The following LHFPL3 variants were observed in gnomAD, a reference collection of about 807,000 sequenced individuals.
The protein encoded by LHFPL3 is LHFPL tetraspan subfamily member 3 protein.
LHFPL3 carries 5 observed loss-of-function variants against 19.3 expected under a neutral mutation model. That is an observed-to-expected ratio of 0.26 (90% confidence interval 0.14 to 0.54). The LOEUF (loss-of-function observed/expected upper bound fraction) is 0.54, where lower values mean the gene tolerates loss of function less well. Ranked by LOEUF, LHFPL3 falls within the 20% of genes least tolerant of loss-of-function variation. The pLI is 0.94. For missense variants in LHFPL3, 249 were observed against 307.4 expected, an observed-to-expected ratio of 0.81 and a Z score of 1.42; for synonymous variants, 133 against 126.2, an observed-to-expected ratio of 1.05 and a Z score of -0.36.
chr7:104,665,423 C>T (rs1452925834), intron 1 of LHFPL3, among the ~76,000 whole-genome samples: 2 of 152,110 alleles, frequency 1.3e-5, no homozygotes, highest in Non-Finnish European at 2.9e-5. Flanking sequence ...TGTAATAGTC[C>T]ATTCCATTAA....
In LHFPL3 at chr7:104,706,826, T is replaced by G. The variant is rs114369624; in HGVS notation, c.446-29849T>G. Among the ~76,000 whole-genome samples, 700 of 152,284 alleles carry G rather than the reference T, an allele frequency of 4.6e-3. 6 individuals carry two copies. Among genetic ancestry groups the G allele is most frequent in the African/African-American group, 0.016 (652 of 41,562 alleles). ...ATGATGGCATTTTAATGGTCAGCAT[T>G]GATGTTAATATTATCCCAGATTAAG... On this transcript the variant is annotated intron_variant, in intron 1 of 2. Transcript: ENST00000424859.
intron 1 of LHFPL3, among the ~76,000 whole-genome samples, chr7:104,557,894 G>A (rs910364303): frequency 6.8e-6 from 1 of 146,454 alleles, no homozygotes; most frequent in East Asian, 2.0e-4. Flanking sequence ...TGATCTCATT[G>A]TTCAATTCCC....
chr7:104,379,110 T>G (rs1324887807), intron 1 of LHFPL3, among the ~76,000 whole-genome samples: 1 of 152,186 alleles, frequency 6.6e-6, no homozygotes, highest in Non-Finnish European at 1.5e-5. Flanking sequence ...GCACAGAAGT[T>G]TTGAAAGAAA....
intron 2 of LHFPL3, among the ~76,000 whole-genome samples, chr7:104,880,075 CTGA>C (rs1342827719): frequency 6.6e-6 from 1 of 151,230 alleles, no homozygotes; most frequent in Non-Finnish European, 1.5e-5. Flanking sequence ...TTTTTAGGGG[CTGA>C]TAAGGTTTGG....
At chr7:104,595,085 G>A (rs1007487136) in intron 1 of LHFPL3, among the ~76,000 whole-genome samples, 8 of 152,276 alleles carry the variant, frequency 5.3e-5, no homozygotes, top group African/African-American at 9.6e-5. Context: ...TCCGTTGCTG[G>A]CAAGGAGCTG....
rs552049017 is a variant in LHFPL3, at chr7:104,891,295, A to C, written c.683-14892A>C. Among the ~76,000 whole-genome samples, 16 of 152,232 alleles carry C rather than the reference A, an allele frequency of 1.1e-4. No individual in the cohort carries two copies. In the East Asian group the frequency reaches 2.7e-3, roughly 26 times the overall value. ...ACAGTTCTGGAAGCTGGGAAGTCCA[A>C]GGCTGAGGGGCTGCTTCTGGTGAGG... On this transcript the variant is annotated intron_variant, in intron 2 of 2. Coordinates refer to ENST00000424859, the MANE Select transcript of LHFPL3 (RefSeq NM_199000.3).
At chr7:104,693,350 G>A (rs1056838456) in intron 1 of LHFPL3, among the ~76,000 whole-genome samples, 1 of 152,174 alleles carries the variant, frequency 6.6e-6, no homozygotes, top group African/African-American at 2.4e-5. Context: ...AGGCATGATT[G>A]TGTAAGGATG....
chr7:104,651,231 C>T lies in LHFPL3; in HGVS notation c.446-85444C>T, dbSNP rs538155979. ...TGGTGATGCAGTTTCTCTTCCATGA[C>T]CTAAAATCATCCAAACCTCCTCAAG... On this transcript the variant is annotated intron_variant, in intron 1 of 2. Coordinates refer to ENST00000424859, the MANE Select transcript of LHFPL3 (RefSeq NM_199000.3). 1.2e-4 allele frequency among the ~76,000 whole-genome samples: 19 copies of T among 152,308 alleles called. No homozygotes were observed. In the South Asian group the frequency reaches 3.5e-3, roughly 28 times the overall value.
intron 1 of LHFPL3, among the ~76,000 whole-genome samples, chr7:104,606,797 G>A (rs1268881604): frequency 6.6e-6 from 1 of 152,138 alleles, no homozygotes; most frequent in African/African-American, 2.4e-5. Context: ...GTGGGCAGGG[G>A]TCTAGGGTAT....
intron 1 of LHFPL3, among the ~76,000 whole-genome samples, chr7:104,334,002 C>G (rs1047404994): frequency 1.3e-5 from 2 of 152,126 alleles, no homozygotes; most frequent in African/African-American, 2.4e-5. Flanking sequence ...TATAATTGTA[C>G]CTGTCAGGAG....
At position 104,347,877 on chromosome 7, in the gene LHFPL3, C is replaced by A. The variant is rs1424630647; in HGVS notation, c.445+18653C>A. 2.8e-5 allele frequency among the ~76,000 whole-genome samples: 4 copies of A among 144,740 alleles called. No homozygotes were observed. The Admixed American group carries it at 2.8e-4, about 10-fold the overall frequency. The allele number at this position is 144,740 out of a possible 152,430, so 95.0% of individuals were successfully genotyped here. A position where few individuals can be genotyped will look rare whatever the true frequency, so the allele number is the denominator to read the frequency against. On this transcript the variant is annotated intron_variant, in intron 1 of 2. Coordinates refer to ENST00000424859, the MANE Select transcript of LHFPL3 (RefSeq NM_199000.3). ...TTACACTCTAGCCTGGGCGACAGAG[C>A]CAGACTCTGTCTTAAAAAAAAAAAA...
chr7:104,804,955 C>T (rs905419696), intron 2 of LHFPL3, among the ~76,000 whole-genome samples: 2 of 152,182 alleles, frequency 1.3e-5, no homozygotes, highest in African/African-American at 2.4e-5. Flanking sequence ...AGATGACTAG[C>T]GCACTTCCTT....
At chr7:104,752,896 G>T (rs939247200) in intron 2 of LHFPL3, 1 of 341,294 alleles carries the variant, frequency 2.9e-6, no homozygotes. Context: ...CCAGCTCACA[G>T]CCTCTCTACC....
chr7:104,581,968 T>C (rs895887804), intron 1 of LHFPL3, among the ~76,000 whole-genome samples: 5 of 151,934 alleles, frequency 3.3e-5, no homozygotes, highest in Non-Finnish European at 7.4e-5. Context: ...TACTTTTAAT[T>C]TTCATATACC....
intron 1 of LHFPL3, among the ~76,000 whole-genome samples, chr7:104,518,053 C>T (rs1415309479): frequency 6.6e-6 from 1 of 151,952 alleles, no homozygotes; most frequent in East Asian, 1.9e-4. Context: ...GATGCTGATC[C>T]CAATGTCATC....
At chr7:104,668,179 T>C in intron 1 of LHFPL3, 1 of 1,613,936 alleles carries the variant, frequency 6.2e-7, no homozygotes, top group Admixed American at 1.7e-5. Context: ...TATGCTGAAT[T>C]TGAGGACCTG....
At chr7:104,379,295 G>C (rs149501918) in intron 1 of LHFPL3, among the ~76,000 whole-genome samples, 1 of 152,156 alleles carries the variant, frequency 6.6e-6, no homozygotes, top group African/African-American at 2.4e-5. Context: ...GGTAATTTGG[G>C]GGAACAGTCT....
intron 2 of LHFPL3, among the ~76,000 whole-genome samples, chr7:104,857,464 A>T (rs1791530629): frequency 6.6e-6 from 1 of 152,226 alleles, no homozygotes; most frequent in South Asian, 2.1e-4. Flanking sequence ...TACAAGATGA[A>T]TAAATGTGTG....
At chr7:104,508,090 C>G (rs13228614) in intron 1 of LHFPL3, among the ~76,000 whole-genome samples, 4 of 150,000 alleles carry the variant, frequency 2.7e-5, no homozygotes, top group Non-Finnish European at 4.5e-5. Context: ...ACCATTTGAC[C>G]CAGCCATCCC....
Sources: allele counts gnomAD v4.1 joint callset (sites outside exome capture counted in the v4.1 genomes callset), GRCh38; gene constraint gnomAD v4.1.1; transcripts MANE v1.5; gene names NCBI Gene and HGNC (gene_info 2026-07-23, HGNC 2026-07-21).